NUDT19: variants seen among roughly 807,000 people sequenced by gnomAD.
The protein encoded by NUDT19 is nudix hydrolase 19, also known as acyl-coenzyme A diphosphatase NUDT19.
NUDT19 carries 31 observed loss-of-function variants against 22.2 expected under a neutral mutation model. The observed-to-expected ratio is 1.40, with a 90% confidence interval of 1.05 to 1.89. The LOEUF (loss-of-function observed/expected upper bound fraction) is 1.89. NUDT19 is among the 40% of genes most tolerant of loss of function. The pLI is 0.00. For missense variants in NUDT19, 752 were observed against 514.2 expected (o/e 1.46, Z -4.47); for synonymous variants, 325 against 230.8 (o/e 1.41, Z -3.70).
At chr19:32,694,917 T>C (rs2145356063) in intron 1 of NUDT19, among the ~76,000 whole-genome samples, 1 of 152,332 alleles carries the variant, frequency 6.6e-6, no homozygotes, top group East Asian at 1.9e-4. Context: ...TGAGTACCCA[T>C]TGTGTCTTTT....
intron 1 of NUDT19, among the ~76,000 whole-genome samples, chr19:32,702,570 T>C (rs898438806): frequency 6.6e-6 from 1 of 152,062 alleles, no homozygotes; most frequent in African/African-American, 2.4e-5. Context: ...ATCATGCCAC[T>C]GCACTCCAGC....
chr19:32,694,577 T>C (rs1968241930), intron 1 of NUDT19, among the ~76,000 whole-genome samples: 1 of 152,214 alleles, frequency 6.6e-6, no homozygotes, highest in African/African-American at 2.4e-5. Flanking sequence ...ATCAGTTGTA[T>C]GGCCCTGTGC....
chr19:32,707,847 A>G (rs1664476139), intron 1 of NUDT19, among the ~76,000 whole-genome samples: 2 of 151,482 alleles, frequency 1.3e-5, no homozygotes, highest in South Asian at 2.1e-4. Flanking sequence ...GCGTGGTGGC[A>G]GGCACCTGTA....
At chr19:32,706,782 T>G (rs1205120386) in intron 1 of NUDT19, among the ~76,000 whole-genome samples, 5 of 152,226 alleles carry the variant, frequency 3.3e-5, no homozygotes, top group Non-Finnish European at 7.3e-5. Flanking sequence ...GAGCATAGTT[T>G]GTATAAGGCT....
intron 2 of NUDT19, 142 bp from the exon 3 acceptor site, chr19:32,711,610 A>T (rs564490544): frequency 6.5e-6 from 4 of 614,602 alleles, no homozygotes; most frequent in Non-Finnish European, 1.1e-5. Context: ...TATGAAATAG[A>T]TAAAAATACT....
intron 2 of NUDT19, among the ~76,000 whole-genome samples, chr19:32,711,132 A>G (rs1180771297): frequency 6.6e-6 from 1 of 152,126 alleles, no homozygotes; most frequent in Admixed American, 6.6e-5. Context: ...GGGCCCAAAG[A>G]AAACTCTTGG....
At chr19:32,706,120 A>G (rs1304291130) in intron 1 of NUDT19, among the ~76,000 whole-genome samples, 1 of 152,212 alleles carries the variant, frequency 6.6e-6, no homozygotes, top group African/African-American at 2.4e-5. Context: ...AAAAAGAGGC[A>G]TCATTCTTTC....
Position 32,711,827 on chromosome 19 carries a change from T to C in NUDT19, c.998T>C (p.Met333Thr), listed in dbSNP as rs749646346. 3.7e-6 allele frequency: 6 copies of C among 1,613,728 alleles called. No individual in the cohort carries two copies. The highest frequency in any genetic ancestry group is 5.1e-6 in the Non-Finnish European group (6 of 1,179,808). ...ACTGAAAAAAAGACTGAGGAAATCA[T>C]GAAGGAAGGCAAGCAGTTTCACCGG... ...MSTEKKTEEI[M>T]KEGKQFHRIV... The change falls in exon 3 of 3, where the codon ATG (methionine) becomes ACG (threonine). Residue 333 changes from methionine (M) to threonine (T), a missense_variant. Met to Thr is a moderately conservative substitution (Grantham distance 81). Coordinates refer to ENST00000397061, the MANE Select transcript of NUDT19 (RefSeq NM_001105570.2).
intron 2 of NUDT19, 73 bp downstream of exon 2, chr19:32,709,465 C>T (rs1968423685): frequency 8.6e-7 from 1 of 1,163,318 alleles, no homozygotes. Flanking sequence ...CTGTATTGCC[C>T]AACGTAGAGA....
chr19:32,699,318 G>A (rs994546337), intron 1 of NUDT19, among the ~76,000 whole-genome samples: 1 of 152,216 alleles, frequency 6.6e-6, no homozygotes, highest in South Asian at 2.1e-4. Flanking sequence ...GGAGGCAAGG[G>A]TCAGGATAGA....
At chr19:32,696,112 G>A (rs1257462634) in intron 1 of NUDT19, among the ~76,000 whole-genome samples, 1 of 152,256 alleles carries the variant, frequency 6.6e-6, no homozygotes, top group Non-Finnish European at 1.5e-5. Flanking sequence ...TGCTTGACCC[G>A]CTCCCTATCC....
intron 1 of NUDT19, among the ~76,000 whole-genome samples, chr19:32,700,120 G>C (rs142063777): frequency 0.011 from 1,688 of 152,354 alleles, 39 homozygotes; most frequent in African/African-American, 0.038. Flanking sequence ...AGCTTCCACA[G>C]CATGGAAAGG....
rs1372864476 is a variant in NUDT19 at position 32,713,265 on chromosome 19, A to C, written c.*1308A>C. The stretch of plus-strand genomic sequence containing the variant: ...AATCTCCGCCTCCCAGGTTCAAGCG[A>C]TTTTTCTGCCTCAGCCTCCCGAGTA... On this transcript the variant is annotated 3_prime_UTR_variant, in exon 3 of 3. Transcript: ENST00000397061. 1 of 152,012 alleles carries C rather than the reference A, an allele frequency of 6.6e-6. No homozygotes were observed. The highest frequency in any genetic ancestry group is 2.4e-5 in the African/African-American group (1 of 41,346). 9.4% of individuals were successfully genotyped at this position (152,012 alleles called of 1,614,324 possible).
intron 1 of NUDT19, among the ~76,000 whole-genome samples, chr19:32,707,303 A>C (rs968699483): frequency 1.3e-5 from 2 of 152,146 alleles, no homozygotes; most frequent in Non-Finnish European, 2.9e-5. Context: ...CTGTTTTTTA[A>C]ATGCCATTTT....
intron 1 of NUDT19, 142 bp from the exon 2 acceptor site, chr19:32,709,043 G>A: frequency 1.5e-6 from 1 of 688,398 alleles, no homozygotes; most frequent in Non-Finnish European, 2.6e-6. Flanking sequence ...ATCTTTTCAT[G>A]TTGTCTTTGA....
intron 1 of NUDT19, among the ~76,000 whole-genome samples, chr19:32,699,487 G>A (rs1568432906): frequency 6.6e-6 from 1 of 152,190 alleles, no homozygotes; most frequent in South Asian, 2.1e-4. Context: ...GCAGAAGCTG[G>A]TTCCAGGCAA....
chr19:32,692,820 C>G (rs778335736), intron 1 of NUDT19, 146 bp downstream of exon 1: 22 of 581,914 alleles, frequency 3.8e-5, no homozygotes, highest in Non-Finnish European at 5.0e-5. Flanking sequence ...GCTGGAAACT[C>G]TCACCCCTGT....
chr19:32,701,029 G>C (rs1458823266), intron 1 of NUDT19, among the ~76,000 whole-genome samples: 4 of 149,650 alleles, frequency 2.7e-5, no homozygotes, highest in Non-Finnish European at 5.9e-5. Context: ...AACAGAGTCA[G>C]GCCCTTTCTC....
intron 1 of NUDT19, among the ~76,000 whole-genome samples, chr19:32,696,530 C>A (rs1308178211): frequency 1.3e-5 from 2 of 152,144 alleles, no homozygotes; most frequent in Admixed American, 1.3e-4. Context: ...TTGTTCCTTC[C>A]AATGCCCAGA....
Sources: gnomAD v4.1 joint callset for allele counts (sites outside exome capture counted in the v4.1 genomes callset) on GRCh38, gnomAD v4.1.1 for gene constraint, MANE v1.5 for transcripts, NCBI Gene and HGNC (gene_info 2026-07-23, HGNC 2026-07-21) for gene names.